Variants in KIRREL3 observed in about 807,000 individuals in gnomAD.
The protein encoded by KIRREL3 is kin of IRRE-like protein 3.
KIRREL3 carries 36 observed loss-of-function variants against 89.7 expected under a neutral mutation model. That is an observed-to-expected ratio of 0.40 (90% confidence interval 0.31 to 0.53). The LOEUF (loss-of-function observed/expected upper bound fraction) is 0.53. KIRREL3 is among the 20% of genes least tolerant of loss of function. The pLI, the probability that KIRREL3 is intolerant of heterozygous loss-of-function variation, is 0.49. For synonymous variants in KIRREL3, 445 were observed against 441.4 expected (o/e 1.01, Z -0.10); for missense variants, 864 against 1,056.6 (o/e 0.82, Z 2.53).
chr11:126,588,177 T>C (rs1941961440), intron 1 of KIRREL3, among the ~76,000 whole-genome samples: 1 of 152,110 alleles, frequency 6.6e-6, no homozygotes, highest in Non-Finnish European at 1.5e-5. Context: ...ATCAGGGACA[T>C]GAGAGTAACA....
intron 2 of KIRREL3, among the ~76,000 whole-genome samples, chr11:126,547,696 G>A (rs12281907): frequency 1.3e-5 from 2 of 152,146 alleles, no homozygotes; most frequent in Admixed American, 6.5e-5. Flanking sequence ...CCTGAGTGGC[G>A]GAGTGGGGGG....
In KIRREL3 at chr11:126,503,410, G is replaced by A. The variant is rs760993790; in HGVS notation, c.433+17905C>T. ...AGATGCCCCTAGGGGATCCAGGCAG[G>A]GACGAATGGGTTTCATTTGTTGAGG... On this transcript the variant is annotated intron_variant, in intron 4 of 16. Coordinates refer to ENST00000525144, the MANE Select transcript of KIRREL3 (RefSeq NM_032531.4). Among the ~76,000 whole-genome samples, 32 of 152,256 alleles carry A rather than the reference G, an allele frequency of 2.1e-4. 1 individual carries two copies. Among genetic ancestry groups the A allele is most frequent in the Admixed American group, 1.6e-3 (25 of 15,298 alleles).
intron 1 of KIRREL3, among the ~76,000 whole-genome samples, chr11:126,583,410 C>G (rs1225907604): frequency 6.6e-6 from 1 of 152,222 alleles, no homozygotes; most frequent in African/African-American, 2.4e-5. Flanking sequence ...TGAGGTTGAG[C>G]TGGTCACAGA....
At chr11:126,646,056 A>T (rs1293018912) in intron 1 of KIRREL3, among the ~76,000 whole-genome samples, 1 of 152,168 alleles carries the variant, frequency 6.6e-6, no homozygotes, top group Non-Finnish European at 1.5e-5. Context: ...CTCTTTTATT[A>T]AAATAATAAT....
At chr11:126,921,055 A>G (rs1318106670) in intron 1 of KIRREL3, among the ~76,000 whole-genome samples, 3 of 152,206 alleles carry the variant, frequency 2.0e-5, no homozygotes, top group Admixed American at 2.0e-4. Context: ...CCATCAAATC[A>G]GCTAAAGGCC....
rs893798481 is a variant in KIRREL3, at chr11:126,564,480, C to G, written c.56-1568G>C. On this transcript the variant is annotated intron_variant, in intron 1 of 16. Transcript: ENST00000525144. This position sits in a 1 kb window ranked among gnomAD's most constrained non-coding sequence, Gnocchi z 7.4. ...CTGATTCTTTAAAGGGGTTTATTGA[C>G]TATCAGTAAAGAGCAGAGAAGCAGA... 6.6e-6 allele frequency among the ~76,000 whole-genome samples: 1 copy of G among 152,126 alleles called. No individual in the cohort carries two copies. Among genetic ancestry groups the G allele is most frequent in the African/African-American group, 2.4e-5 (1 of 41,416 alleles).
At position 126,769,028 on chromosome 11, in the gene KIRREL3, C is replaced by A. The variant is rs1949936769; in HGVS notation, c.56-206116G>T. On this transcript the variant is annotated intron_variant, in intron 1 of 16. Coordinates refer to ENST00000525144, the MANE Select transcript of KIRREL3 (RefSeq NM_032531.4). This position sits in a 1 kb window ranked among gnomAD's most constrained non-coding sequence, Gnocchi z 4.3. The stretch of plus-strand genomic sequence containing the variant: ...CACATTTCCGCAGCACATTTCCATG[C>A]CTCTGCATAGGCTGTCCCCTGGGGT... Among the ~76,000 whole-genome samples the A allele has an allele frequency of 6.6e-6, 1 of 152,196 alleles. No homozygotes were observed. The highest frequency in any genetic ancestry group is 1.5e-5 in the Non-Finnish European group (1 of 68,036).
In KIRREL3 at chr11:126,794,583, C is replaced by T. The variant is rs145949228; in HGVS notation, c.55+205872G>A. ...ATTTGTATTACAAAAATATTTTAAC[C>T]TGGGTGTTTTCAGAAAGTTAATTAC... is the stretch of plus-strand genomic sequence containing the variant. On this transcript the variant is annotated intron_variant, in intron 1 of 16. Transcript: ENST00000525144. Among the ~76,000 whole-genome samples, 201 of 152,316 alleles carry T rather than the reference C, an allele frequency of 1.3e-3. 3 individuals are homozygous for T. Among genetic ancestry groups the T allele is most frequent in the African/African-American group, 4.5e-3 (186 of 41,564 alleles).
chr11:126,933,373 C>A (rs1016471813), intron 1 of KIRREL3, among the ~76,000 whole-genome samples: 1 of 151,800 alleles, frequency 6.6e-6, no homozygotes, highest in Non-Finnish European at 1.5e-5. Flanking sequence ...TCATTCTAGT[C>A]CCTATTTGTA....
Position 126,844,931 on chromosome 11 carries a change from A to C in KIRREL3, c.55+155524T>G, listed in dbSNP as rs954990370. Among the ~76,000 whole-genome samples, 2 of 152,006 alleles carry C rather than the reference A, an allele frequency of 1.3e-5. No homozygotes were observed. Among genetic ancestry groups the C allele is most frequent in the Non-Finnish European group, 1.5e-5 (1 of 67,990 alleles). On this transcript the variant is annotated intron_variant, in intron 1 of 16. Transcript: ENST00000525144. This position sits in a 1 kb window ranked among gnomAD's most constrained non-coding sequence, Gnocchi z 4.8. ...CAGTGTTGTTGCAATGGTGGGTCTT[A>C]CTCTGGCCTCTCTGAGCTCTCTGCC...
In KIRREL3 at chr11:126,877,138, A is replaced by C. The variant is rs1945322632; in HGVS notation, c.55+123317T>G. Among the ~76,000 whole-genome samples the C allele has an allele frequency of 6.6e-6, 1 of 152,154 alleles. No individual in the cohort carries two copies. Among genetic ancestry groups the C allele is most frequent in the Non-Finnish European group, 1.5e-5 (1 of 68,024 alleles). The stretch of plus-strand genomic sequence containing the variant: ...GTTCCAAATGAGAAAGAGGAGGACA[A>C]GCAGACGTTCAGCTCTGTTAAGAGA... On this transcript the variant is annotated intron_variant, in intron 1 of 16. Coordinates refer to ENST00000525144, the MANE Select transcript of KIRREL3 (RefSeq NM_032531.4). This position sits in a 1 kb window ranked among gnomAD's most constrained non-coding sequence, Gnocchi z 4.9.
rs1340725344 is a variant in KIRREL3, at chr11:126,440,683, G to A, written c.1253-134C>T. 5.0e-6 allele frequency: 4 copies of A among 806,040 alleles called. No homozygotes were observed. In the South Asian group the frequency reaches 5.8e-5, roughly 12 times the overall value. The allele number at this position is 806,040 out of a possible 1,614,324, so 49.9% of individuals were successfully genotyped here. On this transcript the variant is annotated intron_variant, in intron 10 of 16. Coordinates refer to ENST00000525144, the MANE Select transcript of KIRREL3 (RefSeq NM_032531.4). ...TTTGCCGAAGGCCTGTATGTGCAAG[G>A]TAAAGTGCAAGGTAGAGGACTCAGA... is the stretch of plus-strand genomic sequence containing the variant.
At chr11:126,536,115 A>G (rs1937847724) in intron 2 of KIRREL3, among the ~76,000 whole-genome samples, 1 of 152,238 alleles carries the variant, frequency 6.6e-6, no homozygotes, top group Non-Finnish European at 1.5e-5. Flanking sequence ...CCATCTCAAA[A>G]AAAAAGATCT....
rs1483816349 is a variant in KIRREL3 at position 126,917,536 on chromosome 11, C to G, written c.55+82919G>C. On this transcript the variant is annotated intron_variant, in intron 1 of 16. Coordinates refer to ENST00000525144, the MANE Select transcript of KIRREL3 (RefSeq NM_032531.4). The surrounding 1 kb of genome is among the most constrained non-coding windows in gnomAD (Gnocchi z 5.0). ...TGCAAACAACAAAAATCTTTCCAAA[C>G]CACGTAGCACCTCCACACCTATCCT... 6.6e-6 allele frequency among the ~76,000 whole-genome samples: 1 copy of G among 152,140 alleles called. No homozygotes were observed. The highest frequency in any genetic ancestry group is 1.5e-5 in the Non-Finnish European group (1 of 68,034).
At chr11:126,735,681 A>T (rs979358998) in intron 1 of KIRREL3, among the ~76,000 whole-genome samples, 1 of 152,348 alleles carries the variant, frequency 6.6e-6, no homozygotes, top group Admixed American at 6.5e-5. Context: ...AGGGACAGAT[A>T]TTATTTCCTT....
rs576470894 is a variant in KIRREL3, at chr11:126,755,232, C to T, written c.56-192320G>A. Among the ~76,000 whole-genome samples, 5 of 152,158 alleles carry T rather than the reference C, an allele frequency of 3.3e-5. No individual in the cohort carries two copies. Among genetic ancestry groups the T allele is most frequent in the East Asian group, 3.9e-4 (2 of 5,180 alleles). ...AGAGGGAAAAAAATGTATTCCCATC[C>T]GAGGCCCTTGCCTGCCCTCCTGTAG... is the stretch of plus-strand genomic sequence containing the variant. On this transcript the variant is annotated intron_variant, in intron 1 of 16. Transcript: ENST00000525144. The surrounding 1 kb of genome is among the most constrained non-coding windows in gnomAD (Gnocchi z 4.3).
chr11:126,746,388 A>G (rs1949150838), intron 1 of KIRREL3, among the ~76,000 whole-genome samples: 1 of 152,176 alleles, frequency 6.6e-6, no homozygotes, highest in Non-Finnish European at 1.5e-5. Context: ...TTGGGACTTC[A>G]GGATCAGCTT....
intron 6 of KIRREL3, among the ~76,000 whole-genome samples, chr11:126,461,181 G>A (rs1274803234): frequency 6.6e-6 from 1 of 152,274 alleles, no homozygotes; most frequent in Non-Finnish European, 1.5e-5. Flanking sequence ...CCCACCCATG[G>A]GTTGTGGAGC....
In KIRREL3 at chr11:126,931,167, G is replaced by A. The variant is rs1947934261; in HGVS notation, c.55+69288C>T. ...CCTGTGTTTGTCTGCTGGTCTTGCT[G>A]GCTTCCCCAGTAAGCTCTTTGAGGG... On this transcript the variant is annotated intron_variant, in intron 1 of 16. Coordinates refer to ENST00000525144, the MANE Select transcript of KIRREL3 (RefSeq NM_032531.4). This position sits in a 1 kb window ranked among gnomAD's most constrained non-coding sequence, Gnocchi z 5.1. Among the ~76,000 whole-genome samples, 1 of 152,178 alleles carries A rather than the reference G, an allele frequency of 6.6e-6. No individual in the cohort carries two copies. Among genetic ancestry groups the A allele is most frequent in the Non-Finnish European group, 1.5e-5 (1 of 68,042 alleles).
Sources: gnomAD v4.1 joint callset for allele counts (sites outside exome capture counted in the v4.1 genomes callset) on GRCh38, gnomAD v4.1.1 for gene constraint, Gnocchi (gnomAD v3.1) non-coding constraint, MANE v1.5 for transcripts, NCBI Gene and HGNC (gene_info 2026-07-23, HGNC 2026-07-21) for gene names.